Variants in SLC38A8 observed in about 807,000 individuals in gnomAD.
SLC38A8 encodes amino acid transporter SLC38A8.
In SLC38A8, 65 loss-of-function variants were observed where a neutral mutation model predicts 46.0. The observed-to-expected ratio is 1.41, with a 90% CI of 1.16 to 1.74. The LOEUF is 1.74. Ranked by LOEUF, SLC38A8 falls within the 40% of genes most tolerant of loss-of-function variation. SLC38A8 has a pLI of 0.00. For synonymous variants in SLC38A8, 447 were observed against 243.7 expected (o/e 1.83, Z -7.77); for missense variants, 998 against 567.9 (o/e 1.76, Z -7.70).
At chr16:84,015,480 A>C (rs914576655) in intron 9 of SLC38A8, among the ~76,000 whole-genome samples, 3 of 151,950 alleles carry the variant, frequency 2.0e-5, no homozygotes, top group African/African-American at 7.3e-5. Flanking sequence ...TTCTTTTTTT[A>C]ATAAAACAAA....
intron 2 of SLC38A8, among the ~76,000 whole-genome samples, chr16:84,038,815 T>C (rs1053237409): frequency 3.3e-5 from 5 of 152,150 alleles, no homozygotes; most frequent in Non-Finnish European, 4.4e-5. Context: ...GCATGTGTGA[T>C]TGATCCGTAT....
chr16:84,037,745 AG>A (rs1476534850), intron 2 of SLC38A8, among the ~76,000 whole-genome samples: 2 of 147,086 alleles, frequency 1.4e-5, no homozygotes, highest in Non-Finnish European at 3.0e-5. Context: ...TGGGGGATAC[AG>A]AGAGACTGCC....
At chr16:84,032,058 G>T in intron 4 of SLC38A8, 90 bp from the exon 5 acceptor site, 1 of 1,136,170 alleles carries the variant, frequency 8.8e-7, no homozygotes, top group Admixed American at 1.9e-5. Flanking sequence ...TCCCAGCTCC[G>T]CCCTTGACAA....
chr16:84,027,817 C>T (rs1173076789), intron 6 of SLC38A8, among the ~76,000 whole-genome samples: 5 of 152,288 alleles, frequency 3.3e-5, no homozygotes, highest in East Asian at 1.9e-4. Context: ...TTGCAAGCAT[C>T]GGGGAGGCGG....
chr16:84,032,422 C>A (rs913859415), intron 4 of SLC38A8, among the ~76,000 whole-genome samples: 40 of 152,170 alleles, frequency 2.6e-4, no homozygotes, highest in Non-Finnish European at 8.8e-5. Flanking sequence ...CTGCTGACCT[C>A]GTGATCTGCC....
chr16:84,029,271 A>C (rs962368384), intron 6 of SLC38A8, among the ~76,000 whole-genome samples: 1 of 152,130 alleles, frequency 6.6e-6, no homozygotes, highest in East Asian at 1.9e-4. Context: ...CTGGATTCCC[A>C]AGTTCAAGGC....
intron 6 of SLC38A8, among the ~76,000 whole-genome samples, chr16:84,025,947 T>A (rs1158506600): frequency 6.6e-6 from 1 of 152,182 alleles, no homozygotes. Context: ...CCGCAGCACT[T>A]GTGGGGCTCA....
In SLC38A8 at chr16:84,041,823, T is replaced by C. The variant is rs901728360; in HGVS notation, c.189+146A>G. The C allele has an allele frequency of 9.6e-6, 7 of 730,256 alleles. No individual in the cohort carries two copies. The African/African-American group carries it at 1.1e-4, about 11-fold the overall frequency. 45.2% of individuals were successfully genotyped at this position (730,256 alleles called of 1,614,324 possible). A position where few individuals can be genotyped will look rare whatever the true frequency, so the allele number is the denominator to read the frequency against. On this transcript the variant is annotated intron_variant, in intron 2 of 10. Coordinates refer to ENST00000299709, the MANE Select transcript of SLC38A8 (RefSeq NM_001080442.3). ...GCTACAGTGGGATTATCTTCTCCCCTCATTAGCTGAGCGGGATAGAAAATA... is the reference window on the plus strand; with the variant it reads ...GCTACAGTGGGATTATCTTCTCCCCCCATTAGCTGAGCGGGATAGAAAATA...
In SLC38A8 at chr16:84,016,693, A is replaced by C. The variant is rs1249992485; in HGVS notation, c.988T>G (p.Leu330Val). The change falls in exon 9 of 11, where the codon TTG becomes GTG. Residue 330 changes from leucine (L) to valine (V), a missense_variant. Leu to Val is a conservative substitution (Grantham distance 32, BLOSUM62 1). Coordinates refer to ENST00000299709, the MANE Select transcript of SLC38A8 (RefSeq NM_001080442.3). ...VMQDFWRRSCLGGWGPSALAD... is the reference protein window; with the variant it reads ...VMQDFWRRSCVGGWGPSALAD... ...AGGGCGCTGGGCCCCCATCCCCCCAAGCAGCTCCTCCTCCAGAAGTCCTGC... is the reference window on the plus strand; with the variant it reads ...AGGGCGCTGGGCCCCCATCCCCCCACGCAGCTCCTCCTCCAGAAGTCCTGC... 1 of 1,613,326 alleles carries C rather than the reference A, an allele frequency of 6.2e-7. No homozygotes were observed. Among genetic ancestry groups the C allele is most frequent in the Non-Finnish European group, 8.5e-7 (1 of 1,179,956 alleles).
intron 4 of SLC38A8, 33 bp downstream of exon 4, chr16:84,033,295 G>A: frequency 6.2e-7 from 1 of 1,613,566 alleles, no homozygotes; most frequent in Admixed American, 1.7e-5. Flanking sequence ...CAGCAAGGTG[G>A]GGGCCCCCAC....
intron 9 of SLC38A8, 56 bp downstream of exon 9, chr16:84,016,463 C>A: frequency 2.5e-6 from 4 of 1,581,816 alleles, no homozygotes; most frequent in Non-Finnish European, 1.7e-6. Flanking sequence ...GGAGTCCCCA[C>A]AGAGATGAGC....
intron 7 of SLC38A8, 60 bp from the exon 8 acceptor site, chr16:84,017,347 C>T: frequency 1.3e-6 from 2 of 1,584,366 alleles, no homozygotes; most frequent in Non-Finnish European, 1.7e-6. Flanking sequence ...CCCCCTCCCC[C>T]ACCAACAGAC....
At chr16:84,026,425 C>T (rs2085165332) in intron 6 of SLC38A8, among the ~76,000 whole-genome samples, 1 of 152,184 alleles carries the variant, frequency 6.6e-6, no homozygotes, top group Non-Finnish European at 1.5e-5. Flanking sequence ...TGGGGTTTCA[C>T]CATGTTGGCC....
At chr16:84,027,902 G>A (rs2085184717) in intron 6 of SLC38A8, among the ~76,000 whole-genome samples, 1 of 152,198 alleles carries the variant, frequency 6.6e-6, no homozygotes, top group South Asian at 2.1e-4. Context: ...CAGACAAACA[G>A]TTGACAGCAA....
intron 9 of SLC38A8, among the ~76,000 whole-genome samples, chr16:84,014,263 A>G (rs1416000392): frequency 4.0e-5 from 5 of 126,228 alleles, no homozygotes; most frequent in Admixed American, 3.2e-4. Flanking sequence ...AGAAGCCACA[A>G]GGCCACACCC....
chr16:84,029,349 C>A lies in SLC38A8; in HGVS notation c.690+145G>T, dbSNP rs1486158574. ...GTCTGGAATGACAGCCTGGGAACCA[C>A]AGGTGGGCGGCACAGAGCCCACTGT... On this transcript the variant is annotated intron_variant, in intron 6 of 10. Coordinates refer to ENST00000299709, the MANE Select transcript of SLC38A8 (RefSeq NM_001080442.3). The A allele has an allele frequency of 1.3e-5, 10 of 745,110 alleles. No homozygotes were observed. The East Asian group carries it at 2.7e-4, about 20-fold the overall frequency. The allele number at this position is 745,110 out of a possible 1,614,324, so 46.2% of individuals were successfully genotyped here. A position where few individuals can be genotyped will look rare whatever the true frequency, so the allele number is the denominator to read the frequency against.
chr16:84,026,465 G>A (rs905081618), intron 6 of SLC38A8, among the ~76,000 whole-genome samples: 3 of 152,194 alleles, frequency 2.0e-5, no homozygotes, highest in African/African-American at 7.2e-5. Context: ...GACCTCAGGT[G>A]ATCCACCCGC....
intron 2 of SLC38A8, among the ~76,000 whole-genome samples, chr16:84,039,195 G>A (rs1424336388): frequency 1.3e-5 from 2 of 152,160 alleles, no homozygotes; most frequent in Non-Finnish European, 2.9e-5. Context: ...AAGCCCTGCT[G>A]ACACCTTCAT....
At chr16:84,042,293 T>A (rs2085377004) in intron 1 of SLC38A8, 134 bp from the exon 2 acceptor site, 2 of 930,596 alleles carry the variant, frequency 2.1e-6, no homozygotes, top group Admixed American at 6.1e-5. Flanking sequence ...TGGCGTCAGC[T>A]CCCCCTTTCC....
Sources: allele counts gnomAD v4.1 joint callset (sites outside exome capture counted in the v4.1 genomes callset), GRCh38; gene constraint gnomAD v4.1.1; transcripts MANE v1.5; gene names NCBI Gene and HGNC (gene_info 2026-07-23, HGNC 2026-07-21).